MGAT4C: variants seen among roughly 807,000 people sequenced by gnomAD.
MGAT4C encodes the protein MGAT4 family member C, also known as alpha-1,3-mannosyl-glycoprotein 4-beta-N-acetylglucosaminyltransferase C.
A neutral mutation model predicts 40.1 loss-of-function variants in MGAT4C; 19 were observed. The observed-to-expected ratio is 0.47, with a 90% CI of 0.33 to 0.70. MGAT4C has a LOEUF of 0.70. Among genes scored for constraint, MGAT4C ranks in the 30% least tolerant of loss-of-function variants. The pLI, the probability that MGAT4C is intolerant of heterozygous loss-of-function variation, is 0.02. For synonymous variants in MGAT4C, 181 were observed against 187.1 expected (o/e 0.97, Z 0.27); for missense variants, 491 against 563.2 (o/e 0.87, Z 1.30).
intron 1 of MGAT4C, among the ~76,000 whole-genome samples, chr12:86,232,781 A>G (rs1404794031): frequency 6.6e-6 from 1 of 152,204 alleles, no homozygotes; most frequent in Admixed American, 6.5e-5. Flanking sequence ...GGAGAAAAAC[A>G]AATAATTGGC....
upstream of MGAT4C, among the ~76,000 whole-genome samples, chr12:86,258,298 T>C (rs955282702): frequency 7.0e-6 from 1 of 142,564 alleles, no homozygotes; most frequent in Non-Finnish European, 1.5e-5. Context: ...TATCTATCTA[T>C]CTATCTATCT....
chr12:86,240,162 GCACA>G (rs140732034), intron 1 of MGAT4C, among the ~76,000 whole-genome samples: 8,142 of 149,924 alleles, frequency 0.054, 736 homozygotes, highest in African/African-American at 0.19. Context: ...CATTTCAAAA[GCACA>G]CACACACACA....
chr12:86,304,426 A>T lies in MGAT4C; in HGVS notation c.-57+29639T>A, dbSNP rs965779852. On this transcript the variant is annotated intron_variant, in intron 4 of 7. Coordinates refer to the MGAT4C transcript ENST00000548651. ...TTTCTAAAGCTATTAGATTAAGAGA[A>T]TAAGAAAAAATAGCAAAATCAAAAA... 5.3e-5 allele frequency among the ~76,000 whole-genome samples: 8 copies of T among 150,688 alleles called. 1 individual carries two copies. Among genetic ancestry groups the T allele is most frequent in the African/African-American group, 2.0e-4 (8 of 40,078 alleles).
chr12:86,049,008 A>T (rs1285804765), intron 2 of MGAT4C, among the ~76,000 whole-genome samples: 1 of 152,052 alleles, frequency 6.6e-6, no homozygotes. Context: ...GACAAAGAAA[A>T]CTTGACAATT....
intron 2 of MGAT4C, among the ~76,000 whole-genome samples, chr12:86,720,066 AT>A: frequency 6.6e-6 from 1 of 152,258 alleles, no homozygotes; most frequent in Non-Finnish European, 1.5e-5. Context: ...TATTTTGCAA[AT>A]GAGAGAGCCT....
At chr12:86,686,272 GT>G (rs1001467969) in intron 2 of MGAT4C, among the ~76,000 whole-genome samples, 2 of 152,020 alleles carry the variant, frequency 1.3e-5, no homozygotes, top group Non-Finnish European at 2.9e-5. Flanking sequence ...AGACAATGGG[GT>G]TTTCTGCAAA....
At chr12:86,758,389 TTA>T (rs778445650) in intron 1 of MGAT4C, among the ~76,000 whole-genome samples, 1,274 of 126,170 alleles carry the variant, frequency 0.01, 5 homozygotes, top group Non-Finnish European at 0.016. Context: ...TTTTTTTTTT[TTA>T]AAAAAAAGAA....
At chr12:86,680,100 C>T (rs1339570644) in intron 2 of MGAT4C, among the ~76,000 whole-genome samples, 4 of 151,830 alleles carry the variant, frequency 2.6e-5, no homozygotes, top group Non-Finnish European at 5.9e-5. Flanking sequence ...AACATAGTCT[C>T]CAATAAACAG....
At chr12:86,587,057 G>C (rs1452959020) in intron 2 of MGAT4C, among the ~76,000 whole-genome samples, 2 of 152,034 alleles carry the variant, frequency 1.3e-5, no homozygotes, top group Admixed American at 6.6e-5. Flanking sequence ...TATTGCCTAG[G>C]TTTTCTTTTA....
chr12:85,965,350 C>G lies in MGAT4C; in HGVS notation c.*13939G>C, dbSNP rs1361015457. The G allele has an allele frequency of 6.6e-6, 1 of 152,036 alleles. No individual in the cohort carries two copies. Among genetic ancestry groups the G allele is most frequent in the East Asian group, 1.9e-4 (1 of 5,162 alleles). The allele number at this position is 152,036 out of a possible 1,614,324, so 9.4% of individuals were successfully genotyped here. ...CGGTGGCTCACGCATGTAATCCCAG[C>G]ACTTTGTGAGGCCGAGGCGGGAGGA... On this transcript the variant is annotated 3_prime_UTR_variant, in exon 5 of 5. Coordinates refer to ENST00000611864, the MANE Select transcript of MGAT4C (RefSeq NM_001351288.2).
intron 2 of MGAT4C, among the ~76,000 whole-genome samples, chr12:86,483,919 T>G (rs899632580): frequency 1.3e-5 from 2 of 150,250 alleles, no homozygotes; most frequent in Non-Finnish European, 3.0e-5. Context: ...AACAAATATT[T>G]AGAGAGAAAA....
At chr12:86,193,471 T>A (rs1889748448) in intron 1 of MGAT4C, among the ~76,000 whole-genome samples, 1 of 152,090 alleles carries the variant, frequency 6.6e-6, no homozygotes, top group Non-Finnish European at 1.5e-5. Context: ...CCAGTATCAT[T>A]GGTTTTTATT....
At chr12:86,311,243 C>T (rs1954065311) in intron 4 of MGAT4C, among the ~76,000 whole-genome samples, 1 of 152,146 alleles carries the variant, frequency 6.6e-6, no homozygotes, top group African/African-American at 2.4e-5. Context: ...CCTATTGATG[C>T]TTGGCTACAA....
chr12:86,263,716 G>C (rs986158491), intron 4 of MGAT4C, among the ~76,000 whole-genome samples: 15 of 152,090 alleles, frequency 9.9e-5, no homozygotes, highest in African/African-American at 3.4e-4. Context: ...GTATGAAATT[G>C]TAGTTATACT....
chr12:86,267,241 G>A (rs373652401), intron 4 of MGAT4C, among the ~76,000 whole-genome samples: 3 of 152,076 alleles, frequency 2.0e-5, no homozygotes, highest in Non-Finnish European at 4.4e-5. Context: ...AAGCTATAAA[G>A]TTCTCTCTTA....
At chr12:86,681,823 T>C (rs576565905) in intron 2 of MGAT4C, among the ~76,000 whole-genome samples, 9 of 152,134 alleles carry the variant, frequency 5.9e-5, no homozygotes, top group African/African-American at 2.2e-4. Flanking sequence ...CCCCATTAGA[T>C]TGGAAGTAAA....
At chr12:86,166,836 G>T (rs575490857) in intron 1 of MGAT4C, among the ~76,000 whole-genome samples, 5 of 152,060 alleles carry the variant, frequency 3.3e-5, no homozygotes, top group African/African-American at 1.2e-4. Flanking sequence ...ACTCAAACAT[G>T]TAAAAAGAAT....
chr12:86,473,751 TAAGA>T (rs989776641), intron 2 of MGAT4C, among the ~76,000 whole-genome samples: 4 of 152,208 alleles, frequency 2.6e-5, no homozygotes, highest in African/African-American at 9.6e-5. Flanking sequence ...TTTGCTTCCC[TAAGA>T]TAGAGTGATA....
intron 2 of MGAT4C, among the ~76,000 whole-genome samples, chr12:86,517,058 G>A (rs1958703265): frequency 6.6e-6 from 1 of 152,066 alleles, no homozygotes; most frequent in Admixed American, 6.5e-5. Flanking sequence ...GCAAGGATGT[G>A]GATAAATTAT....
Sources: allele counts gnomAD v4.1 joint callset (sites outside exome capture counted in the v4.1 genomes callset), GRCh38; gene constraint gnomAD v4.1.1; transcripts MANE v1.5; gene names NCBI Gene and HGNC (gene_info 2026-07-23, HGNC 2026-07-21).